The following GLIPR1L1 variants were observed in gnomAD, a reference collection of about 807,000 sequenced individuals.
The protein encoded by GLIPR1L1 is GLIPR1 like 1, also known as GLIPR1-like protein 1.
Under a neutral mutation model 29.9 loss-of-function variants are expected in GLIPR1L1, and 26 were observed. The ratio of observed to expected loss-of-function variants is 0.87; its 90% CI spans 0.64 to 1.21. The LOEUF (loss-of-function observed/expected upper bound fraction) is 1.21, where lower values mean the gene tolerates loss of function less well. GLIPR1L1 is among the 50% of genes most tolerant of loss of function. The pLI is 0.00. For missense variants in GLIPR1L1, 305 were observed against 290.3 expected (o/e 1.05, Z -0.37); for synonymous variants, 77 against 97.5 (o/e 0.79, Z 1.24).
At chr12:75,341,082 A>G (rs929770391) in intron 1 of GLIPR1L1, among the ~76,000 whole-genome samples, 1 of 152,060 alleles carries the variant, frequency 6.6e-6, no homozygotes, top group East Asian at 1.9e-4. Context: ...TAGACTTGCA[A>G]TTGCACTTCT....
At chr12:75,352,770 A>G (rs1484252467) in intron 3 of GLIPR1L1, among the ~76,000 whole-genome samples, 1 of 152,232 alleles carries the variant, frequency 6.6e-6, no homozygotes, top group African/African-American at 2.4e-5. Flanking sequence ...TCCTCAGCAA[A>G]TGCAAAAGAA....
intron 3 of GLIPR1L1, among the ~76,000 whole-genome samples, chr12:75,362,232 T>C (rs79607629): frequency 0.038 from 5,851 of 152,144 alleles, 129 homozygotes; most frequent in East Asian, 0.052. Context: ...AAAGAAGATA[T>C]GTAGGTAACA....
Position 75,370,369 on chromosome 12 carries a change from A to G in GLIPR1L1, c.*193A>G. 2.2e-6 allele frequency: 1 copy of G among 444,788 alleles called. No individual in the cohort carries two copies. The highest frequency in any genetic ancestry group is 4.0e-6 in the Non-Finnish European group (1 of 248,832). The allele number at this position is 444,788 out of a possible 1,614,324, so 27.6% of individuals were successfully genotyped here. ...ATGGATAGCAGTAGAATAAAGTCTT[A>G]AGATTATTTTTTAATTACAAATCCA... On this transcript the variant is annotated 3_prime_UTR_variant, in exon 6 of 6. Coordinates refer to ENST00000378695, the MANE Select transcript of GLIPR1L1 (RefSeq NM_001304964.2).
chr12:75,362,248 A>G lies in GLIPR1L1; in HGVS notation c.522-854A>G, dbSNP rs553186002. 1.6e-4 allele frequency among the ~76,000 whole-genome samples: 24 copies of G among 152,310 alleles called. No individual in the cohort carries two copies. In the South Asian group the frequency reaches 5.0e-3, roughly 32 times the overall value. On this transcript the variant is annotated intron_variant, in intron 3 of 5. Coordinates refer to ENST00000378695, the MANE Select transcript of GLIPR1L1 (RefSeq NM_001304964.2). ...AAGAAGATATGTAGGTAACAAATAC[A>G]CACATTAAAATGCTCATCATCATTC... is the stretch of plus-strand genomic sequence containing the variant.
At chr12:75,358,009 CATAA>C (rs1364507135) in intron 3 of GLIPR1L1, among the ~76,000 whole-genome samples, 2 of 148,410 alleles carry the variant, frequency 1.3e-5, no homozygotes, top group South Asian at 2.1e-4. Context: ...TAAAAGCATA[CATAA>C]ATAAAATAAC....
intron 3 of GLIPR1L1, among the ~76,000 whole-genome samples, chr12:75,357,973 TAA>T (rs1313204999): frequency 7.8e-6 from 1 of 127,556 alleles, no homozygotes; most frequent in Non-Finnish European, 1.7e-5. Flanking sequence ...AAATCTAAAG[TAA>T]AAAAAAAAAA....
At chr12:75,339,688 T>A (rs781326192) in intron 1 of GLIPR1L1, among the ~76,000 whole-genome samples, 1 of 152,222 alleles carries the variant, frequency 6.6e-6, no homozygotes, top group Non-Finnish European at 1.5e-5. Flanking sequence ...TGGTATTGCC[T>A]AGATTTTTCT....
intron 3 of GLIPR1L1, among the ~76,000 whole-genome samples, chr12:75,358,738 GGTTTAAATATATATAATATATTATATAT>G (rs1199158202): frequency 3.1e-5 from 4 of 129,692 alleles, no homozygotes; most frequent in Non-Finnish European, 4.8e-5. Flanking sequence ...TTATATATAT[GGTTTAAATATATATAATATATTATATAT>G]GTTTAAATAT....
At position 75,339,282 on chromosome 12, in the gene GLIPR1L1, TA is replaced by T. The variant is rs566611259; in HGVS notation, c.174+4382del. 3.7e-3 allele frequency among the ~76,000 whole-genome samples: 568 copies of T among 152,310 alleles called. 5 individuals are homozygous for T. Among genetic ancestry groups the T allele is most frequent in the African/African-American group, 0.013 (551 of 41,564 alleles). ...CAGCACCTGTTTCTGGACTTTTTAA[TA>T]ATTGCCATTCTGAGTGGCCTAAGAT... On this transcript the variant is annotated intron_variant, in intron 1 of 5. Transcript: ENST00000378695.
At chr12:75,358,692 T>G (rs962628322) in intron 3 of GLIPR1L1, among the ~76,000 whole-genome samples, 3 of 147,084 alleles carry the variant, frequency 2.0e-5, no homozygotes, top group Non-Finnish European at 4.5e-5. Flanking sequence ...TTGTGTTTCT[T>G]TTTGTTTTGC....
chr12:75,336,497 G>C (rs1319078451), intron 1 of GLIPR1L1, among the ~76,000 whole-genome samples: 1 of 151,614 alleles, frequency 6.6e-6, no homozygotes, highest in Admixed American at 6.6e-5. Context: ...CTAAAATTAA[G>C]ATAGAATAGC....
chr12:75,351,893 T>C (rs529882932), intron 3 of GLIPR1L1, among the ~76,000 whole-genome samples: 1 of 152,310 alleles, frequency 6.6e-6, no homozygotes, highest in Non-Finnish European at 1.5e-5. Context: ...TAGAATTTCA[T>C]ATCCAGCCAA....
chr12:75,360,254 T>C (rs890217058), intron 3 of GLIPR1L1: 2 of 152,228 alleles, frequency 1.3e-5, no homozygotes, highest in African/African-American at 4.8e-5. Context: ...TCTTTTTACA[T>C]TTCCCAACCA....
At chr12:75,363,060 A>G (rs1452985769) in intron 3 of GLIPR1L1, 42 bp from the exon 4 acceptor site, 3 of 1,053,504 alleles carry the variant, frequency 2.8e-6, no homozygotes, top group Non-Finnish European at 4.2e-6. Flanking sequence ...AATTGGAGAA[A>G]TTAACAGCCA....
chr12:75,362,021 A>G lies in GLIPR1L1; in HGVS notation c.522-1081A>G, dbSNP rs140392019. Among the ~76,000 whole-genome samples, 406 of 152,282 alleles carry G rather than the reference A, an allele frequency of 2.7e-3. 2 individuals carry two copies. Among genetic ancestry groups the G allele is most frequent in the African/African-American group, 9.5e-3 (394 of 41,566 alleles). The stretch of plus-strand genomic sequence containing the variant: ...ATTAAAACAATGATATATAAATTTA[A>G]TGTCATTAAAATTAAAAATAACTAC... On this transcript the variant is annotated intron_variant, in intron 3 of 5. Transcript: ENST00000378695.
intron 3 of GLIPR1L1, among the ~76,000 whole-genome samples, chr12:75,353,250 C>T (rs370353413): frequency 1.3e-5 from 2 of 151,866 alleles, no homozygotes; most frequent in South Asian, 4.2e-4. Flanking sequence ...AGACTACTAA[C>T]TAAATAGAAT....
At chr12:75,343,426 G>A (rs11180470) in intron 1 of GLIPR1L1, among the ~76,000 whole-genome samples, 44,211 of 151,668 alleles carry the variant, frequency 0.29, 7,969 homozygotes, top group East Asian at 0.45. Context: ...ATCACATTCC[G>A]ATTTATTTGT....
intron 3 of GLIPR1L1, among the ~76,000 whole-genome samples, chr12:75,348,311 T>C (rs2042585619): frequency 6.6e-6 from 1 of 151,962 alleles, no homozygotes; most frequent in African/African-American, 2.4e-5. Flanking sequence ...GTAGAAAAGA[T>C]AAAAACAAAG....
chr12:75,370,191 A>G lies in GLIPR1L1; in HGVS notation c.*15A>G, dbSNP rs2044269182. 1 of 1,234,780 alleles carries G rather than the reference A, an allele frequency of 8.1e-7. No homozygotes were observed. Among genetic ancestry groups the G allele is most frequent in the Admixed American group, 1.7e-5 (1 of 58,468 alleles). 76.5% of individuals were successfully genotyped at this position (1,234,780 alleles called of 1,614,324 possible). ...GAATCTTTTAATGTCATTTATATAC[A>G]AAAGAAATTCTCAAATGTTAAAATA... On this transcript the variant is annotated 3_prime_UTR_variant, in exon 6 of 6. Coordinates refer to ENST00000378695, the MANE Select transcript of GLIPR1L1 (RefSeq NM_001304964.2).
Sources: allele counts gnomAD v4.1 joint callset (sites outside exome capture counted in the v4.1 genomes callset), GRCh38; gene constraint gnomAD v4.1.1; transcripts MANE v1.5; gene names NCBI Gene and HGNC (gene_info 2026-07-23, HGNC 2026-07-21).